The following NOL4L variants were observed in gnomAD, a reference collection of about 807,000 sequenced individuals.
The protein encoded by NOL4L is nucleolar protein 4-like.
NOL4L carries 7 observed loss-of-function variants against 64.5 expected under a neutral mutation model. That is an observed-to-expected ratio of 0.11 (90% confidence interval 0.06 to 0.20). NOL4L has a LOEUF of 0.20. NOL4L is among the 10% of genes least tolerant of loss of function. The probability of loss-of-function intolerance (pLI) is 1.00; values close to 1 mark genes in which losing one functional copy is unlikely to be tolerated. For synonymous variants in NOL4L, 413 were observed against 401.0 expected, an observed-to-expected ratio of 1.03 and a Z score of -0.36; for missense variants, 680 against 967.1, an observed-to-expected ratio of 0.70 and a Z score of 3.94.
intron 10 of NOL4L, among the ~76,000 whole-genome samples, 180 bp from the exon 11 acceptor site, chr20:32,447,996 C>G (rs566756988): frequency 6.6e-6 from 1 of 152,156 alleles, no homozygotes; most frequent in African/African-American, 2.4e-5. Context: ...AATGGGCCTG[C>G]GGGCGACAGG....
intron 4 of NOL4L, among the ~76,000 whole-genome samples, chr20:32,484,138 C>T (rs1446222335): frequency 2.0e-5 from 3 of 152,084 alleles, no homozygotes; most frequent in Non-Finnish European, 4.4e-5. Context: ...CAGGAACTCT[C>T]GGCGCCCGGG....
intron 1 of NOL4L, chr20:32,535,981 G>A: frequency 2.0e-6 from 2 of 985,568 alleles, no homozygotes; most frequent in Non-Finnish European, 2.4e-6. Flanking sequence ...GTGCTGTAGA[G>A]GTGAAGTCAC....
In NOL4L at chr20:32,574,867, T is replaced by C. The variant is rs367867706; in HGVS notation, c.321+9703A>G. ...CCCTTGGATGCTGTGCCCCAGATCC[T>C]GCCCCTGCGCCTTCACCCCAGATCT... On this transcript the variant is annotated intron_variant, in intron 1 of 10. Transcript: ENST00000621426. 1.2e-4 allele frequency among the ~76,000 whole-genome samples: 19 copies of C among 152,078 alleles called. 1 individual carries two copies. In the East Asian group the frequency reaches 3.5e-3, roughly 28 times the overall value.
chr20:32,476,200 C>CAA (rs1474163012), intron 4 of NOL4L, among the ~76,000 whole-genome samples: 1 of 144,626 alleles, frequency 6.9e-6, no homozygotes, highest in Admixed American at 6.8e-5. Context: ...CCCGGAGGGA[C>CAA]ACACACACAC....
At chr20:32,471,165 G>A (rs549680465) in intron 5 of NOL4L, among the ~76,000 whole-genome samples, 2 of 152,134 alleles carry the variant, frequency 1.3e-5, no homozygotes, top group South Asian at 2.1e-4. Context: ...GCAAGCTCCC[G>A]GGGAGTGAAA....
intron 3 of NOL4L, among the ~76,000 whole-genome samples, chr20:32,516,112 C>T (rs977868856): frequency 4.6e-5 from 7 of 152,186 alleles, no homozygotes; most frequent in Middle Eastern, 3.4e-3. Context: ...ACCTACAGCA[C>T]GAAGAACTCT....
Position 32,461,934 on chromosome 20 carries a change from C to G in NOL4L, c.842-5539G>C, listed in dbSNP as rs1568610332. On this transcript the variant is annotated intron_variant, in intron 5 of 10. Coordinates refer to ENST00000621426, the MANE Select transcript of NOL4L (RefSeq NM_001256798.2). ...GGATGGCTCCTGCTGCCCCCTAGAT[C>G]ACACCCCTCCCTCTGGTGGGGGCAA... 6.6e-5 allele frequency among the ~76,000 whole-genome samples: 10 copies of G among 152,140 alleles called. No individual in the cohort carries two copies. The South Asian group carries it at 2.1e-3, about 32-fold the overall frequency.
chr20:32,462,175 C>T (rs1046816861), intron 5 of NOL4L, among the ~76,000 whole-genome samples: 2 of 152,206 alleles, frequency 1.3e-5, no homozygotes, highest in East Asian at 3.9e-4. Flanking sequence ...ATAGGGGGCA[C>T]AGATGATCCC....
chr20:32,584,999 C>G lies in NOL4L; in HGVS notation c.-109G>C. ...GGGCCGGGACGCGCCGCGGCCGCGTCTGTCCCGCGGTGTGGCTCCGGCGAG... is the reference window on the plus strand; with the variant it reads ...GGGCCGGGACGCGCCGCGGCCGCGTGTGTCCCGCGGTGTGGCTCCGGCGAG... On this transcript the variant is annotated 5_prime_UTR_variant, in exon 1 of 11. Coordinates refer to ENST00000621426, the MANE Select transcript of NOL4L (RefSeq NM_001256798.2). 1 of 597,980 alleles carries G rather than the reference C, an allele frequency of 1.7e-6. No homozygotes were observed. Among genetic ancestry groups the G allele is most frequent in the Non-Finnish European group, 2.1e-6 (1 of 476,938 alleles). 37.0% of individuals were successfully genotyped at this position (597,980 alleles called of 1,614,324 possible).
chr20:32,554,141 A>C (rs1466212962), intron 1 of NOL4L, among the ~76,000 whole-genome samples: 1 of 152,082 alleles, frequency 6.6e-6, no homozygotes, highest in African/African-American at 2.4e-5. Context: ...TAACAGGGTG[A>C]AACCCCGTCT....
chr20:32,513,736 G>A lies in NOL4L; in HGVS notation c.590-2280C>T, dbSNP rs548116465. Among the ~76,000 whole-genome samples the A allele has an allele frequency of 6.6e-5, 10 of 151,678 alleles. No homozygotes were observed. The East Asian group carries it at 1.6e-3, about 24-fold the overall frequency. On this transcript the variant is annotated intron_variant, in intron 3 of 10. Transcript: ENST00000621426. The stretch of plus-strand genomic sequence containing the variant: ...AAATGTTAGCTGGGTGTGGTGGCAC[G>A]TGCCTGAAGTCCCAGCTACTCGGGA...
At chr20:32,536,462 C>A (rs2018527748) in intron 1 of NOL4L, 1 of 198,858 alleles carries the variant, frequency 5.0e-6, no homozygotes, top group Non-Finnish European at 8.4e-6. Context: ...CCGCGCGCGC[C>A]GCTGACAGCT....
At chr20:32,580,565 A>AG (rs1244175547) in intron 1 of NOL4L, among the ~76,000 whole-genome samples, 2 of 152,242 alleles carry the variant, frequency 1.3e-5, no homozygotes, top group African/African-American at 4.8e-5. Context: ...CCTGGGGTCC[A>AG]GCTTGCAAAA....
intron 1 of NOL4L, among the ~76,000 whole-genome samples, chr20:32,540,537 C>A (rs1417865703): frequency 6.6e-6 from 1 of 152,198 alleles, no homozygotes; most frequent in African/African-American, 2.4e-5. Context: ...CTGCCCAGCA[C>A]CGACCTTCCA....
rs1174304651 is a variant in NOL4L at position 32,488,965 on chromosome 20, C to CTTTTTTT, written c.700-14230_700-14224dup. Among the ~76,000 whole-genome samples, 19 of 45,082 alleles carry CTTTTTTT rather than the reference C, an allele frequency of 4.2e-4. 1 individual carries two copies. Among genetic ancestry groups the CTTTTTTT allele is most frequent in the African/African-American group, 1.6e-3 (12 of 7,576 alleles). The allele number at this position is 45,082 out of a possible 152,430, so 29.6% of individuals were successfully genotyped here. ...CCATTTCTCTATTTGAATTGTTGGT[C>CTTTTTTT]TTTTTTTTTTTTTTTTTTTGGTAAG... On this transcript the variant is annotated intron_variant, in intron 4 of 10. Transcript: ENST00000621426.
At chr20:32,542,642 CTG>C (rs139592464) in intron 1 of NOL4L, among the ~76,000 whole-genome samples, 3,203 of 152,322 alleles carry the variant, frequency 0.021, 107 homozygotes, top group African/African-American at 0.072. Flanking sequence ...GTGTGAGCCA[CTG>C]TGCTCAGCCC....
intron 10 of NOL4L, among the ~76,000 whole-genome samples, chr20:32,450,690 G>C (rs1420850733): frequency 6.6e-6 from 1 of 152,156 alleles, no homozygotes; most frequent in Non-Finnish European, 1.5e-5. Context: ...TGGACACCAG[G>C]TAGAGGCTTG....
chr20:32,523,115 G>C (rs1457240568), intron 2 of NOL4L, among the ~76,000 whole-genome samples: 4 of 152,176 alleles, frequency 2.6e-5, no homozygotes, highest in African/African-American at 9.7e-5. Flanking sequence ...CCTGGCCTTG[G>C]CAGGGACCCC....
intron 4 of NOL4L, among the ~76,000 whole-genome samples, chr20:32,488,892 T>TTTCC (rs1568649686): frequency 7.2e-6 from 1 of 138,416 alleles, no homozygotes; most frequent in Admixed American, 7.5e-5. Flanking sequence ...TCTTTCTTTC[T>TTTCC]TTCCTCTCTC....
Sources: allele counts gnomAD v4.1 joint callset (sites outside exome capture counted in the v4.1 genomes callset), GRCh38; gene constraint gnomAD v4.1.1; transcripts MANE v1.5; gene names NCBI Gene and HGNC (gene_info 2026-07-23, HGNC 2026-07-21).